Variants in BRINP3 observed in about 807,000 individuals in gnomAD.
The protein encoded by BRINP3 is BMP/retinoic acid inducible neural specific 3.
BRINP3 carries 19 observed loss-of-function variants against 71.0 expected under a neutral mutation model. The ratio of observed to expected loss-of-function variants is 0.27; its 90% CI spans 0.19 to 0.39. The LOEUF is 0.39. Ranked by LOEUF, BRINP3 falls within the 10% of genes least tolerant of loss-of-function variation. The pLI, the probability that BRINP3 is intolerant of heterozygous loss-of-function variation, is 1.00. For synonymous variants in BRINP3, 380 were observed against 337.7 expected (o/e 1.13, Z -1.37); for missense variants, 959 against 940.8 (o/e 1.02, Z -0.25).
intron 7 of BRINP3, among the ~76,000 whole-genome samples, chr1:190,143,957 C>T (rs975552015): frequency 8.5e-5 from 13 of 152,198 alleles, no homozygotes; most frequent in African/African-American, 3.1e-4. Context: ...CTAATTTCCT[C>T]ACAAATTTAT....
intron 2 of BRINP3, among the ~76,000 whole-genome samples, chr1:190,361,205 A>G (rs1782560): frequency 0.36 from 54,881 of 151,540 alleles, 10,974 homozygotes; most frequent in Admixed American, 0.48. Context: ...TGAGGGCATT[A>G]AGGCTCAGAG....
intron 1 of BRINP3, among the ~76,000 whole-genome samples, chr1:190,459,727 T>C (rs1676256288): frequency 6.6e-6 from 1 of 151,996 alleles, no homozygotes; most frequent in Admixed American, 6.6e-5. Flanking sequence ...ATATCCAAAA[T>C]ATTCTCTCAG....
chr1:190,153,303 A>G (rs186532974), intron 7 of BRINP3, among the ~76,000 whole-genome samples: 1 of 152,264 alleles, frequency 6.6e-6, no homozygotes, highest in Admixed American at 6.5e-5. Context: ...TGAGTATGAA[A>G]CACATGAAAG....
At chr1:190,219,618 T>C (rs1467543628) in intron 6 of BRINP3, among the ~76,000 whole-genome samples, 1 of 151,830 alleles carries the variant, frequency 6.6e-6, no homozygotes, top group Non-Finnish European at 1.5e-5. Context: ...GGTGGGTGGA[T>C]CACGAGGTCA....
chr1:190,098,292 T>A lies in BRINP3; in HGVS notation c.2027A>T (p.Asp676Val). ...IQVFGYSMHF[D>V]PEAIRDLILQ... is the part of the protein sequence containing the mutation. ...AATCAGGTCCCGAATTGCTTCAGGG[T>A]CAAAGTGCATGCTGTAGCCAAACAC... is the stretch of plus-strand genomic sequence containing the variant. The change falls in exon 8 of 8, where the codon GAC (aspartate) becomes GTC (valine). Residue 676 changes from aspartate to valine, a missense_variant. Coordinates refer to ENST00000367462, the MANE Select transcript of BRINP3 (RefSeq NM_199051.3). 6.2e-7 allele frequency: 1 copy of A among 1,614,110 alleles called. No homozygotes were observed. Among genetic ancestry groups the A allele is most frequent in the Non-Finnish European group, 8.5e-7 (1 of 1,180,020 alleles).
intron 6 of BRINP3, among the ~76,000 whole-genome samples, chr1:190,203,750 AATATATATATATAT>A (rs553650706): frequency 0.022 from 882 of 39,204 alleles, 50 homozygotes; most frequent in African/African-American, 0.036. Context: ...CACTAAAGAA[AATATATATATATAT>A]ATATATATAT....
At chr1:190,311,884 G>A (rs900503245) in intron 2 of BRINP3, among the ~76,000 whole-genome samples, 3 of 150,234 alleles carry the variant, frequency 2.0e-5, no homozygotes, top group Non-Finnish European at 4.5e-5. Flanking sequence ...CAACTTATAA[G>A]AATAGTGCCA....
intron 4 of BRINP3, among the ~76,000 whole-genome samples, chr1:190,239,900 GA>G: frequency 6.6e-6 from 1 of 151,720 alleles, no homozygotes; most frequent in Non-Finnish European, 1.5e-5. Flanking sequence ...GAAAGATTAT[GA>G]AAAACAAACT....
At chr1:190,224,291 C>T (rs1657137894) in intron 6 of BRINP3, among the ~76,000 whole-genome samples, 2 of 151,742 alleles carry the variant, frequency 1.3e-5, no homozygotes, top group Admixed American at 6.6e-5. Context: ...TAAAAGCAGA[C>T]ACATAGACCA....
chr1:190,443,005 C>T (rs1571323550), intron 2 of BRINP3, among the ~76,000 whole-genome samples: 1 of 150,728 alleles, frequency 6.6e-6, no homozygotes, highest in Admixed American at 6.6e-5. Context: ...CTCTGCCTCC[C>T]GGGTTCAAGT....
intron 7 of BRINP3, among the ~76,000 whole-genome samples, chr1:190,145,016 G>A (rs1655768097): frequency 6.6e-6 from 1 of 151,934 alleles, no homozygotes; most frequent in East Asian, 1.9e-4. Flanking sequence ...CTAACCCCTG[G>A]CATGTCCTTT....
chr1:190,367,049 C>G (rs1451223174), intron 2 of BRINP3, among the ~76,000 whole-genome samples: 1 of 152,184 alleles, frequency 6.6e-6, no homozygotes, highest in Non-Finnish European at 1.5e-5. Flanking sequence ...GATAATGGCC[C>G]TCTTCTCACA....
intron 2 of BRINP3, among the ~76,000 whole-genome samples, chr1:190,286,392 T>A (rs1296811945): frequency 2.0e-5 from 3 of 152,144 alleles, no homozygotes; most frequent in Non-Finnish European, 4.4e-5. Flanking sequence ...TATATACAAA[T>A]ACACAAATGT....
chr1:190,440,577 C>T (rs1674750578), intron 2 of BRINP3, among the ~76,000 whole-genome samples: 1 of 151,860 alleles, frequency 6.6e-6, no homozygotes, highest in Non-Finnish European at 1.5e-5. Flanking sequence ...AATTCCCTGT[C>T]ATCTTCATTT....
intron 4 of BRINP3, among the ~76,000 whole-genome samples, chr1:190,252,268 T>G (rs1660217461): frequency 6.6e-6 from 1 of 152,068 alleles, no homozygotes. Context: ...TTAGTTACAC[T>G]GATGGGATTT....
intron 2 of BRINP3, among the ~76,000 whole-genome samples, chr1:190,412,813 G>GT (rs546170706): frequency 1.5e-4 from 23 of 152,020 alleles, no homozygotes; most frequent in African/African-American, 5.5e-4. Flanking sequence ...TGGTAAAAAT[G>GT]TTAAAAAAAT....
chr1:190,404,926 T>C (rs1672163369), intron 2 of BRINP3, among the ~76,000 whole-genome samples: 1 of 152,202 alleles, frequency 6.6e-6, no homozygotes, highest in South Asian at 2.1e-4. Context: ...AGTGAACGGT[T>C]ATCATAATAT....
chr1:190,180,703 C>T (rs1400189670), intron 6 of BRINP3, among the ~76,000 whole-genome samples: 2 of 151,918 alleles, frequency 1.3e-5, no homozygotes. Flanking sequence ...AATTCTAACT[C>T]CAATGGATTT....
At chr1:190,382,011 T>C (rs1335868904) in intron 2 of BRINP3, among the ~76,000 whole-genome samples, 1 of 152,140 alleles carries the variant, frequency 6.6e-6, no homozygotes, top group Non-Finnish European at 1.5e-5. Flanking sequence ...ACGAAACAGA[T>C]ACACATATTG....
Sources: allele counts gnomAD v4.1 joint callset (sites outside exome capture counted in the v4.1 genomes callset), GRCh38; gene constraint gnomAD v4.1.1; transcripts MANE v1.5; gene names NCBI Gene and HGNC (gene_info 2026-07-23, HGNC 2026-07-21).